Variants in PLEC observed in about 807,000 individuals in gnomAD.
PLEC encodes plectin, also known as hemidesmosomal protein 1.
A neutral mutation model predicts 392.8 loss-of-function variants in PLEC; 216 were observed. The observed-to-expected ratio is 0.55, with a 90% CI of 0.49 to 0.62. The LOEUF (loss-of-function observed/expected upper bound fraction) is 0.62, where lower values mean the gene tolerates loss of function less well. PLEC is among the 20% of genes least tolerant of loss of function. PLEC has a pLI of 0.00. For missense variants in PLEC, 6,863 were observed against 6,563.4 expected, an observed-to-expected ratio of 1.05 and a Z score of -1.58; for synonymous variants, 3,621 against 2,980.6, an observed-to-expected ratio of 1.21 and a Z score of -7.00.
At chr8:143,930,352 C>A (rs782012293) in intron 20 of PLEC, 32 bp downstream of exon 20, 4 of 1,580,620 alleles carry the variant, frequency 2.5e-6, no homozygotes, top group East Asian at 4.6e-5. Flanking sequence ...TGCCTGGCCA[C>A]GCCCCCCAGT....
chr8:143,926,712 T>G, intron 30 of PLEC, 72 bp downstream of exon 30: 2 of 1,276,790 alleles, frequency 1.6e-6, no homozygotes, highest in Non-Finnish European at 2.3e-6. Flanking sequence ...AGGCAGCTCC[T>G]GTGGCTGTGT....
upstream of PLEC, chr8:143,943,744 G>C (rs534768019): frequency 1.9e-6 from 3 of 1,597,544 alleles, no homozygotes; most frequent in African/African-American, 1.3e-5. Context: ...CCTCTGCCCC[G>C]CCTCGAGTCC....
intron 25 of PLEC, 128 bp from the exon 26 acceptor site, chr8:143,928,120 A>C (rs781099681): frequency 2.4e-5 from 27 of 1,147,658 alleles, no homozygotes; most frequent in Non-Finnish European, 3.0e-5. Context: ...GGGTCAGCTG[A>C]CCCTGTGGTC....
chr8:143,930,680 G>T, intron 19 of PLEC, 144 bp from the exon 20 acceptor site: 1 of 860,620 alleles, frequency 1.2e-6, no homozygotes, highest in Non-Finnish European at 1.8e-6. Context: ...GTATAGCTGG[G>T]ACAGGCCCCG....
In PLEC at chr8:143,917,239, G is replaced by A. The variant is rs781966831; in HGVS notation, c.12582C>T (p.Ile4194=). Residue 4194 remains isoleucine, a synonymous_variant, in exon 32 of 32, where the codon ATC becomes ATT. Transcript: ENST00000345136. ...SSSDGVVKSM[I]IDRRSGRQYD... is the part of the protein sequence containing the mutation. ...ACTGGCGCCCGGAGCGGCGGTCGAT[G>A]ATCATGGACTTGACCACGCCGTCCG... 4.3e-6 allele frequency: 7 copies of A among 1,612,632 alleles called. No individual in the cohort carries two copies. Among genetic ancestry groups the A allele is most frequent in the Middle Eastern group, 1.6e-4 (1 of 6,084 alleles).
chr8:143,946,944 C>T (rs1449451833), intron 1 of PLEC, among the ~76,000 whole-genome samples: 1 of 152,148 alleles, frequency 6.6e-6, no homozygotes, highest in East Asian at 1.9e-4. Context: ...TGTCCAGGGG[C>T]AATGGTGACA....
chr8:143,920,866 C>T lies in PLEC; in HGVS notation c.8955G>A (p.Glu2985=), dbSNP rs1554683248. The change falls in exon 32 of 32, where the codon GAG becomes GAA. Residue 2985 remains glutamate (E), a synonymous_variant. Transcript: ENST00000345136. ...GGTCGATGACCCTGCTCTCCAGCAG[C>T]TCGGCGGCTGGCACCAGGCTGCGCA... ...EGLRSLVPAA[E]LLESRVIDRE... 1 of 1,610,248 alleles carries T rather than the reference C, an allele frequency of 6.2e-7. No homozygotes were observed. Among genetic ancestry groups the T allele is most frequent in the Non-Finnish European group, 8.5e-7 (1 of 1,179,862 alleles).
Position 143,927,306 on chromosome 8 carries a change from G to A in PLEC, c.3786C>T (p.Gly1262=), listed in dbSNP as rs547206059. 4.3e-6 allele frequency: 7 copies of A among 1,613,200 alleles called. No homozygotes were observed. The highest frequency in any genetic ancestry group is 2.7e-5 in the African/African-American group (2 of 75,052). The change falls in exon 28 of 32, where the codon GGC becomes GGT. Residue 1262 remains glycine (G), a synonymous_variant. Coordinates refer to ENST00000345136, the MANE Select transcript of PLEC (RefSeq NM_201384.3). ...QALLEEIERH[G]EKVEECQRFA... ...ACCTCTGGCACTCCTCGACCTTCTC[G>A]CCGTGGCGCTCGATCTCCTCCAGCA...
upstream of PLEC, among the ~76,000 whole-genome samples, chr8:143,943,595 C>T (rs563652058): frequency 1.3e-5 from 2 of 152,296 alleles, no homozygotes; most frequent in East Asian, 1.9e-4. Flanking sequence ...CTGCAGAGCC[C>T]GCCCCGCCCT....
upstream of PLEC, among the ~76,000 whole-genome samples, chr8:143,939,820 G>GC (rs1830105175): frequency 1.3e-5 from 1 of 77,916 alleles, no homozygotes; most frequent in African/African-American, 3.0e-5. Context: ...CTGGGGACAC[G>GC]GGGAGCTGGC....
rs782728318 is a variant in PLEC at position 143,917,772 on chromosome 8, G to A, written c.12049C>T (p.Pro4017Ser). 3 of 1,613,446 alleles carry A rather than the reference G, an allele frequency of 1.9e-6. No homozygotes were observed. Among genetic ancestry groups the A allele is most frequent in the African/African-American group, 1.3e-5 (1 of 74,898 alleles). The part of the protein sequence containing the change: ...AERAVTGYKD[P>S]YSGKLISLFQ... ...AGGGAGATGAGCTTCCCAGAGTAGGGGTCCTTGTACCCAGTGACGGCGCGC... is the reference window on the plus strand; with the variant it reads ...AGGGAGATGAGCTTCCCAGAGTAGGAGTCCTTGTACCCAGTGACGGCGCGC... The change falls in exon 32 of 32, where the codon CCC becomes TCC. Residue 4017 changes from proline to serine, a missense_variant. Physicochemically the swap from Pro to Ser is moderately conservative, Grantham distance 74. Coordinates refer to ENST00000345136, the MANE Select transcript of PLEC (RefSeq NM_201384.3).
At chr8:143,926,906 C>T (rs1564075959) in intron 29 of PLEC, 24 bp from the exon 30 acceptor site, 1 of 1,609,442 alleles carries the variant, frequency 6.2e-7, no homozygotes, top group Admixed American at 1.7e-5. Context: ...CCAGGGTTAG[C>T]CCTGCGAGAG....
chr8:143,965,209 C>T (rs904972329), intron 1 of PLEC, among the ~76,000 whole-genome samples: 4 of 152,122 alleles, frequency 2.6e-5, no homozygotes, highest in African/African-American at 4.8e-5. Context: ...AAGTGATCCC[C>T]ATCCCATTCC....
chr8:143,953,662 C>T, upstream of PLEC: 1 of 1,539,430 alleles, frequency 6.5e-7, no homozygotes, highest in South Asian at 1.2e-5. Context: ...GCGTGGACTG[C>T]ACCCAGCCAG....
chr8:143,967,377 A>AG (rs1159628775), intron 1 of PLEC, among the ~76,000 whole-genome samples: 6 of 151,248 alleles, frequency 4.0e-5, no homozygotes, highest in African/African-American at 1.2e-4. Flanking sequence ...AAAAAAAAAA[A>AG]AAAAAAAAAA....
rs755910691 is a variant in PLEC, at chr8:143,932,412, C to T, written c.1965G>A (p.Lys655=). Residue 655 remains lysine (K), a synonymous_variant, in exon 16 of 32, where the codon AAG becomes AAA. Coordinates refer to ENST00000345136, the MANE Select transcript of PLEC (RefSeq NM_201384.3). ...SDRNTNMTAK[K]ESYSALMREL... is the part of the protein sequence containing the mutation. The stretch of plus-strand genomic sequence containing the variant: ...GGCCACCGCTCACCGAGTAGCTCTC[C>T]TTCTTGGCGGTCATGTTGGTGTTGC... The T allele has an allele frequency of 8.7e-6, 14 of 1,612,956 alleles. No individual in the cohort carries two copies. The highest frequency in any genetic ancestry group is 8.5e-6 in the Non-Finnish European group (10 of 1,179,968).
At chr8:143,952,210 G>A (rs62523990), upstream of PLEC, among the ~76,000 whole-genome samples, 25,466 of 94,452 alleles carry the variant, frequency 0.27, 2,182 homozygotes, top group African/African-American at 0.38. Flanking sequence ...ACACACACAC[G>A]CGCGCACACA....
intron 2 of PLEC, 87 bp downstream of exon 2, chr8:143,938,544 G>A: frequency 1.3e-6 from 2 of 1,544,014 alleles, no homozygotes; most frequent in South Asian, 2.2e-5. Context: ...GGCAGCATGG[G>A]GACAGCCTTG....
At position 143,917,968 on chromosome 8, in the gene PLEC, C is replaced by T. The variant is rs1821115567; in HGVS notation, c.11853G>A (p.Gln3951=). 1 of 1,612,776 alleles carries T rather than the reference C, an allele frequency of 6.2e-7. No homozygotes were observed. The highest frequency in any genetic ancestry group is 1.3e-5 in the African/African-American group (1 of 74,916). ...DATKERLSVY[Q]AMKKGIIRPG... ...GGCGGATGATGCCCTTCTTCATGGC[C>T]TGGTACACCGAGAGCCGTTCCTTGG... Residue 3951 remains glutamine, a synonymous_variant, in exon 32 of 32, where the codon CAG becomes CAA. Coordinates refer to ENST00000345136, the MANE Select transcript of PLEC (RefSeq NM_201384.3).
Sources: allele counts gnomAD v4.1 joint callset (sites outside exome capture counted in the v4.1 genomes callset), GRCh38; gene constraint gnomAD v4.1.1; transcripts MANE v1.5; gene names NCBI Gene and HGNC (gene_info 2026-07-23, HGNC 2026-07-21).